LRP8: variants seen among roughly 807,000 people sequenced by gnomAD.
The protein encoded by LRP8 is low-density lipoprotein receptor-related protein 8.
LRP8 carries 46 observed loss-of-function variants against 111.6 expected under a neutral mutation model. That is an observed-to-expected ratio of 0.41 (90% CI 0.33 to 0.53). The LOEUF (loss-of-function observed/expected upper bound fraction) is 0.53. LRP8 is among the 20% of genes least tolerant of loss of function. LRP8 has a pLI of 0.20. For synonymous variants in LRP8, 464 were observed against 511.2 expected (o/e 0.91, Z 1.24); for missense variants, 959 against 1,297.4 (o/e 0.74, Z 4.01).
chr1:53,298,268 C>T lies in LRP8; in HGVS notation c.245-8579G>A, dbSNP rs143790673. Among the ~76,000 whole-genome samples the T allele has an allele frequency of 4.4e-3, 666 of 152,170 alleles. 7 individuals are homozygous for T. The highest frequency in any genetic ancestry group is 0.015 in the African/African-American group (633 of 41,510). On this transcript the variant is annotated intron_variant, in intron 2 of 18. Transcript: ENST00000306052. ...TCACCACAGGGAAGAAGAGCGTCTC[C>T]GAGGGACAGACCGACAAAGGCGTCT...
In LRP8 at chr1:53,262,631, G is replaced by A; in HGVS notation, c.1656-67C>T. 1.6e-6 allele frequency: 2 copies of A among 1,224,782 alleles called. No homozygotes were observed. The highest frequency in any genetic ancestry group is 1.7e-5 in the Admixed American group (1 of 59,474). The allele number at this position is 1,224,782 out of a possible 1,614,324, so 75.9% of individuals were successfully genotyped here. On this transcript the variant is annotated intron_variant, in intron 10 of 18. Transcript: ENST00000306052. The surrounding 1 kb of genome is among the most constrained non-coding windows in gnomAD (Gnocchi z 4.8). ...ATGACCGGGGTGGTCTGAGTCACAA[G>A]AGCTCAATAACCCATTGACTAGTTG...
chr1:53,314,431 A>T (rs1411685873), intron 2 of LRP8, among the ~76,000 whole-genome samples: 5 of 152,200 alleles, frequency 3.3e-5, no homozygotes, highest in Non-Finnish European at 7.3e-5. Context: ...AGCCCACACC[A>T]CAAGTCAGCT....
chr1:53,267,757 T>C (rs1465614182), intron 8 of LRP8: 1 of 152,232 alleles, frequency 6.6e-6, no homozygotes, highest in Non-Finnish European at 1.5e-5. Context: ...TCCTGGCTAC[T>C]CCATATGGGA....
chr1:53,244,172 G>T lies in LRP8; in HGVS notation c.*2846C>A, dbSNP rs1043587302. On this transcript the variant is annotated 3_prime_UTR_variant, in exon 19 of 19. Coordinates refer to ENST00000306052, the MANE Select transcript of LRP8 (RefSeq NM_004631.5). ...TTCTCTGTTTCTAGAAGGCATTTCA[G>T]TTAGTGCCTTTGTAATTCCACTGGA... 3.3e-5 allele frequency: 5 copies of T among 152,240 alleles called. No individual in the cohort carries two copies. The highest frequency in any genetic ancestry group is 1.2e-4 in the African/African-American group (5 of 41,460). The allele number at this position is 152,240 out of a possible 1,614,324, so 9.4% of individuals were successfully genotyped here. A position where few individuals can be genotyped will look rare whatever the true frequency, so the allele number is the denominator to read the frequency against.
chr1:53,245,300 C>CA lies in LRP8; in HGVS notation c.*1717dup, dbSNP rs1306056391. The CA allele has an allele frequency of 2.0e-5, 3 of 152,228 alleles. No individual in the cohort carries two copies. Among genetic ancestry groups the CA allele is most frequent in the African/African-American group, 7.2e-5 (3 of 41,462 alleles). The allele number at this position is 152,228 out of a possible 1,614,324, so 9.4% of individuals were successfully genotyped here. On this transcript the variant is annotated 3_prime_UTR_variant, in exon 19 of 19. Coordinates refer to ENST00000306052, the MANE Select transcript of LRP8 (RefSeq NM_004631.5). Reference sequence around the variant, plus strand: ...GCAGCTCCTCTGCTCCTACTTAAGTCAAACACTTCCATGTTGCACCTTGTC... The same window carrying CA: ...GCAGCTCCTCTGCTCCTACTTAAGTCAAAACACTTCCATGTTGCACCTTGTC...
At position 53,262,515 on chromosome 1, in the gene LRP8, C is replaced by T. The variant is rs762390110; in HGVS notation, c.1705G>A (p.Gly569Arg). 2 of 1,614,200 alleles carry T rather than the reference C, an allele frequency of 1.2e-6. No individual in the cohort carries two copies. The highest frequency in any genetic ancestry group is 1.7e-6 in the Non-Finnish European group (2 of 1,180,028). ...WGDQAKIEKS[G>R]LNGVDRQTLV... is the part of the protein sequence containing the mutation. ...GTTTGCCGGTCCACACCGTTGAGCCCAGATTTCTCAATCTTGGCCTGGTCC... is the reference window on the plus strand; with the variant it reads ...GTTTGCCGGTCCACACCGTTGAGCCTAGATTTCTCAATCTTGGCCTGGTCC... The change falls in exon 11 of 19, where the codon GGG becomes AGG. Residue 569 changes from glycine to arginine, a missense_variant. Gly to Arg is a moderately radical substitution (Grantham distance 125). This residue lies in a region of LRP8 where 819 missense variants were observed against 1,097.6 expected (regional missense o/e 0.75). Transcript: ENST00000306052. The surrounding 1 kb of genome is among the most constrained non-coding windows in gnomAD (Gnocchi z 4.8).
At chr1:53,258,622 A>AT in intron 13 of LRP8, 151 bp from the exon 14 acceptor site, 1 of 665,696 alleles carries the variant, frequency 1.5e-6, no homozygotes, top group South Asian at 2.1e-5. Context: ...TTCTTTTTTT[A>AT]TCCCCCAAAG....
chr1:53,261,379 A>G (rs571403599), intron 12 of LRP8, among the ~76,000 whole-genome samples: 1 of 152,366 alleles, frequency 6.6e-6, no homozygotes, highest in Admixed American at 6.5e-5. Flanking sequence ...CCACAACTTC[A>G]GAGCAGTGCT....
At chr1:53,307,026 C>T (rs1230417272) in intron 2 of LRP8, among the ~76,000 whole-genome samples, 1 of 152,192 alleles carries the variant, frequency 6.6e-6, no homozygotes, top group African/African-American at 2.4e-5. Flanking sequence ...CTCCTTGAAA[C>T]AGGAAGAACA....
At position 53,249,582 on chromosome 1, in the gene LRP8, G is replaced by A. The variant is rs1225584642; in HGVS notation, c.2677-26C>T. On this transcript the variant is annotated intron_variant, in intron 17 of 18. Transcript: ENST00000306052. The surrounding 1 kb of genome is among the most constrained non-coding windows in gnomAD (Gnocchi z 4.1). ...CTGACAGGGGGATGGCACTGTGGAT[G>A]ACCTCTGAGGTCACACTCAGCCCCC... 1 of 1,556,922 alleles carries A rather than the reference G, an allele frequency of 6.4e-7. No homozygotes were observed. Among genetic ancestry groups the A allele is most frequent in the Non-Finnish European group, 8.7e-7 (1 of 1,151,062 alleles).
Position 53,303,370 on chromosome 1 carries a change from C to T in LRP8, c.245-13681G>A, listed in dbSNP as rs1354233794. Among the ~76,000 whole-genome samples the T allele has an allele frequency of 6.6e-6, 1 of 152,198 alleles. No individual in the cohort carries two copies. The highest frequency in any genetic ancestry group is 2.4e-5 in the African/African-American group (1 of 41,460). The stretch of plus-strand genomic sequence containing the variant: ...GGGCTGCAGGCTGAACACACCTGGG[C>T]CCCAGGGCCATGTGGCCCAGCCCTT... On this transcript the variant is annotated intron_variant, in intron 2 of 18. Coordinates refer to ENST00000306052, the MANE Select transcript of LRP8 (RefSeq NM_004631.5). This position sits in a 1 kb window ranked among gnomAD's most constrained non-coding sequence, Gnocchi z 4.3.
Position 53,262,276 on chromosome 1 carries a change from C to T in LRP8, c.1775-69G>A. ...TCTGGAGCTCTGTTCCTTTGTACCT[C>T]TCCCTGCCCACATTTCTAGGCCTCA... is the stretch of plus-strand genomic sequence containing the variant. On this transcript the variant is annotated intron_variant, in intron 11 of 18. Transcript: ENST00000306052. The surrounding 1 kb of genome is among the most constrained non-coding windows in gnomAD (Gnocchi z 4.8). The T allele has an allele frequency of 6.3e-7, 1 of 1,592,578 alleles. No individual in the cohort carries two copies.
chr1:53,317,395 C>A lies in LRP8; in HGVS notation c.244+9478G>T, dbSNP rs1157353357. Among the ~76,000 whole-genome samples, 1 of 152,194 alleles carries A rather than the reference C, an allele frequency of 6.6e-6. No individual in the cohort carries two copies. Among genetic ancestry groups the A allele is most frequent in the Non-Finnish European group, 1.5e-5 (1 of 68,034 alleles). Reference sequence around the variant, plus strand: ...CGGCTGGCTAACCAGCCCCACTGGGCCACTCAGGAAGCAGCCACCCTGGGG... The same window carrying A: ...CGGCTGGCTAACCAGCCCCACTGGGACACTCAGGAAGCAGCCACCCTGGGG... On this transcript the variant is annotated intron_variant, in intron 2 of 18. Coordinates refer to ENST00000306052, the MANE Select transcript of LRP8 (RefSeq NM_004631.5). This position sits in a 1 kb window ranked among gnomAD's most constrained non-coding sequence, Gnocchi z 4.9.
At chr1:53,296,860 C>T (rs940632505) in intron 2 of LRP8, among the ~76,000 whole-genome samples, 1 of 152,210 alleles carries the variant, frequency 6.6e-6, no homozygotes, top group Non-Finnish European at 1.5e-5. Context: ...AGCTGGGGCT[C>T]AGCACAGGGC....
chr1:53,252,321 G>A (rs1350234070), intron 16 of LRP8, among the ~76,000 whole-genome samples: 1 of 152,080 alleles, frequency 6.6e-6, no homozygotes, highest in African/African-American at 2.4e-5. Flanking sequence ...CTTGAACCCT[G>A]GAGTTCAAGA....
At chr1:53,305,631 G>A (rs1557846805) in intron 2 of LRP8, among the ~76,000 whole-genome samples, 1 of 152,308 alleles carries the variant, frequency 6.6e-6, no homozygotes, top group South Asian at 2.1e-4. Flanking sequence ...CAGAAGCCTC[G>A]TCCCTGGCTA....
Position 53,258,473 on chromosome 1 carries a change from T to C in LRP8, c.2057-2A>G. The C allele has an allele frequency of 2.5e-6, 4 of 1,613,710 alleles. No individual in the cohort carries two copies. Among genetic ancestry groups the C allele is most frequent in the Non-Finnish European group, 3.4e-6 (4 of 1,179,826 alleles). ...CACTCAGCTCACAGGCATCTGGAGC[T>C]AATGGCAGAGAGGGAGACAGCTGGG... On this transcript the variant is annotated splice_acceptor_variant, in intron 13 of 18. Coordinates refer to ENST00000306052, the MANE Select transcript of LRP8 (RefSeq NM_004631.5). LOFTEE classifies it high-confidence loss of function.
chr1:53,271,179 C>G (rs1442601427), intron 7 of LRP8, 26 bp from the exon 8 acceptor site: 1 of 1,613,982 alleles, frequency 6.2e-7, no homozygotes, highest in Non-Finnish European at 8.5e-7. Flanking sequence ...GGAGTCAGAA[C>G]CAGCAGGAGG....
At chr1:53,327,279 A>G in intron 1 of LRP8, 1 of 457,434 alleles carries the variant, frequency 2.2e-6, no homozygotes, top group South Asian at 2.5e-5. Context: ...ACCCATAGTC[A>G]GAGATCTGCT....
Sources: gnomAD v4.1 joint callset for allele counts (sites outside exome capture counted in the v4.1 genomes callset) on GRCh38, gnomAD v4.1.1 for gene constraint, gnomAD v4.1.1 regional missense constraint, Gnocchi (gnomAD v3.1) non-coding constraint, MANE v1.5 for transcripts, NCBI Gene and HGNC (gene_info 2026-07-23, HGNC 2026-07-21) for gene names.